Variants in VPS8 observed in about 807,000 individuals in gnomAD.
The protein encoded by VPS8 is VPS8 subunit of CORVET complex.
Under a neutral mutation model 216.4 loss-of-function variants are expected in VPS8, and 129 were observed. That is an observed-to-expected ratio of 0.60 (90% CI 0.52 to 0.69). VPS8 has a LOEUF of 0.69. VPS8 is among the 30% of genes least tolerant of loss of function. The pLI, the probability that VPS8 is intolerant of heterozygous loss-of-function variation, is 0.00. For missense variants in VPS8, 1,531 were observed against 1,683.5 expected (o/e 0.91, Z 1.59); for synonymous variants, 571 against 565.4 (o/e 1.01, Z -0.14).
At chr3:184,915,840 T>A (rs1737465438) in intron 28 of VPS8, among the ~76,000 whole-genome samples, 2 of 152,188 alleles carry the variant, frequency 1.3e-5, no homozygotes, top group Admixed American at 6.5e-5. Context: ...CAATATTTTT[T>A]AATAGAAAAA....
intron 46 of VPS8, among the ~76,000 whole-genome samples, chr3:185,042,014 C>A (rs11914535): frequency 7.9e-5 from 12 of 152,148 alleles, no homozygotes; most frequent in African/African-American, 2.9e-4. Flanking sequence ...GCTGACAAGT[C>A]ACAGCCTTGG....
At chr3:184,934,418 A>G (rs1015500587) in intron 34 of VPS8, among the ~76,000 whole-genome samples, 2 of 151,888 alleles carry the variant, frequency 1.3e-5, no homozygotes, top group Non-Finnish European at 2.9e-5. Context: ...TGATTCACCT[A>G]CCTTGGCCTC....
rs1225780443 is a variant in VPS8 at position 184,921,840 on chromosome 3, C to T, written c.2454+1642C>T. On this transcript the variant is annotated intron_variant, in intron 29 of 47. Coordinates refer to ENST00000625842, the MANE Select transcript of VPS8 (RefSeq NM_001009921.3). ...TCAGCCTCCCAAAGTGCCGGGATTA[C>T]AGGTGTGAGCCACTGTGCCCAGCCC... Among the ~76,000 whole-genome samples the T allele has an allele frequency of 3.9e-5, 6 of 152,300 alleles. No homozygotes were observed. The East Asian group carries it at 1.2e-3, about 29-fold the overall frequency.
chr3:184,853,397 C>A (rs1032109561), intron 11 of VPS8, among the ~76,000 whole-genome samples: 1 of 152,182 alleles, frequency 6.6e-6, no homozygotes, highest in Non-Finnish European at 1.5e-5. Context: ...GAAGGGGCAA[C>A]ATCTGGAAAA....
At chr3:184,987,847 A>G (rs1405069290) in intron 42 of VPS8, among the ~76,000 whole-genome samples, 3 of 152,222 alleles carry the variant, frequency 2.0e-5, no homozygotes, top group African/African-American at 7.2e-5. Flanking sequence ...CATTTCCGCC[A>G]GCGCTGAATG....
intron 46 of VPS8, among the ~76,000 whole-genome samples, chr3:185,031,062 C>CTTTTTTTTTTTTTTTTTTTTTTTT (rs1561198896): frequency 1.3e-5 from 1 of 75,238 alleles, no homozygotes; most frequent in African/African-American, 7.4e-5. Context: ...TACAGGTTGG[C>CTTTTTTTTTTTTTTTTTTTTTTTT]GTTTTTTTTT....
intron 16 of VPS8, among the ~76,000 whole-genome samples, chr3:184,865,273 C>T (rs1727125907): frequency 6.6e-6 from 1 of 151,756 alleles, no homozygotes. Context: ...AAACTGTAGA[C>T]ACACACATTT....
intron 1 of VPS8, among the ~76,000 whole-genome samples, chr3:184,813,567 AAAGAT>A (rs1251002363): frequency 6.6e-6 from 1 of 152,266 alleles, no homozygotes; most frequent in African/African-American, 2.4e-5. Flanking sequence ...AATATGCAAT[AAAGAT>A]AAATGGAAAA....
rs1488780190 is a variant in VPS8 at position 184,869,491 on chromosome 3, G to A, written c.1607G>A (p.Gly536Glu). The change falls in exon 20 of 48, where the codon GGG becomes GAG. Residue 536 changes from glycine to glutamate, a missense_variant. By Grantham distance (98) the Gly-to-Glu change is moderately conservative (BLOSUM62 -2). This residue lies in a region of VPS8 where 1,318 missense variants were observed against 1,468.4 expected (regional missense o/e 0.90). Transcript: ENST00000625842. ...GKAKAVVGLS[G>E]DASKRKAIVA... The stretch of plus-strand genomic sequence containing the variant: ...TTTTCCTTCTCTGCAGGATTATCAG[G>A]GGATGCCAGTAAGCGAAAGGCTATT... 1 of 1,613,458 alleles carries A rather than the reference G, an allele frequency of 6.2e-7. No individual in the cohort carries two copies.
chr3:185,002,981 C>T (rs1188325188), intron 45 of VPS8, among the ~76,000 whole-genome samples: 1 of 152,098 alleles, frequency 6.6e-6, no homozygotes, highest in Admixed American at 6.5e-5. Context: ...GGAATTGCTG[C>T]ATCCAATGGT....
chr3:184,897,244 G>A (rs1264641778), intron 23 of VPS8, among the ~76,000 whole-genome samples: 1 of 152,110 alleles, frequency 6.6e-6, no homozygotes, highest in Non-Finnish European at 1.5e-5. Flanking sequence ...GGCCAGAGAT[G>A]GTAACAGTGA....
At chr3:184,963,290 CTG>C (rs1746843789) in intron 37 of VPS8, among the ~76,000 whole-genome samples, 1 of 152,096 alleles carries the variant, frequency 6.6e-6, no homozygotes, top group Non-Finnish European at 1.5e-5. Flanking sequence ...ACTGACATCT[CTG>C]TAGTGTTGAT....
At chr3:184,925,772 ATTT>A (rs769693262) in intron 30 of VPS8, among the ~76,000 whole-genome samples, 6 of 121,510 alleles carry the variant, frequency 4.9e-5, no homozygotes, top group Admixed American at 8.2e-5. Context: ...TTCTCTCTCT[ATTT>A]TTTTTTTTTT....
intron 6 of VPS8, chr3:184,839,227 C>T (rs1647583544): frequency 5.7e-6 from 1 of 175,770 alleles, no homozygotes; most frequent in South Asian, 1.5e-4. Flanking sequence ...CCTCCAGTGC[C>T]TTTTTAGCAT....
intron 46 of VPS8, among the ~76,000 whole-genome samples, chr3:185,039,744 A>T (rs953837703): frequency 2.6e-5 from 4 of 152,120 alleles, no homozygotes; most frequent in Non-Finnish European, 5.9e-5. Context: ...ATGCTACCTC[A>T]TGGGTCTCAT....
In VPS8 at chr3:185,041,340, C is replaced by T. The variant is rs141656759; in HGVS notation, c.4057-7139C>T. ...GGGTTTTGCGCTTGTTAATATGACACTTCAGCTTGAGTAGTTGTCTGTTCC... is the reference window on the plus strand; with the variant it reads ...GGGTTTTGCGCTTGTTAATATGACATTTCAGCTTGAGTAGTTGTCTGTTCC... On this transcript the variant is annotated intron_variant, in intron 46 of 47. Coordinates refer to ENST00000625842, the MANE Select transcript of VPS8 (RefSeq NM_001009921.3). 2.6e-5 allele frequency among the ~76,000 whole-genome samples: 4 copies of T among 152,074 alleles called. No individual in the cohort carries two copies. In the East Asian group the frequency reaches 5.8e-4, roughly 22 times the overall value.
chr3:184,979,889 G>A (rs975507006), intron 40 of VPS8, among the ~76,000 whole-genome samples: 2 of 152,252 alleles, frequency 1.3e-5, no homozygotes, highest in South Asian at 4.2e-4. Flanking sequence ...TTGCTTTATG[G>A]CGTCAGTGGT....
At chr3:185,017,366 A>G (rs1428847485) in intron 45 of VPS8, among the ~76,000 whole-genome samples, 6 of 152,112 alleles carry the variant, frequency 3.9e-5, no homozygotes, top group Non-Finnish European at 1.5e-5. Context: ...TAGTTATTTC[A>G]CAGGTAGGAT....
At chr3:184,816,309 G>A (rs1264067488) in intron 1 of VPS8, 2 of 152,148 alleles carry the variant, frequency 1.3e-5, no homozygotes, top group Non-Finnish European at 2.9e-5. Context: ...TTTCTAGGCT[G>A]GAGCTGATTG....
Sources: gnomAD v4.1 joint callset for allele counts (sites outside exome capture counted in the v4.1 genomes callset) on GRCh38, gnomAD v4.1.1 for gene constraint, gnomAD v4.1.1 regional missense constraint, MANE v1.5 for transcripts, NCBI Gene and HGNC (gene_info 2026-07-23, HGNC 2026-07-21) for gene names.